Variants in STXBP4 observed in about 807,000 individuals in gnomAD.
STXBP4 encodes the protein syntaxin binding protein 4.
In STXBP4, 55 loss-of-function variants were observed where a neutral mutation model predicts 76.1. The observed-to-expected ratio is 0.72, with a 90% CI of 0.58 to 0.91. The LOEUF (loss-of-function observed/expected upper bound fraction) is 0.91. Ranked by LOEUF, STXBP4 falls within the 40% of genes least tolerant of loss-of-function variation. The pLI is 0.00. For synonymous variants in STXBP4, 201 were observed against 220.2 expected (o/e 0.91, Z 0.77); for missense variants, 618 against 636.9 (o/e 0.97, Z 0.32).
At chr17:54,986,355 G>A (rs896498005) in intron 3 of STXBP4, 89 bp downstream of exon 3, 24 of 942,998 alleles carry the variant, frequency 2.5e-5, no homozygotes, top group Non-Finnish European at 3.8e-5. Context: ...TTTACATCTA[G>A]CTCTCTAATG....
intron 8 of STXBP4, among the ~76,000 whole-genome samples, chr17:55,012,558 G>T (rs1466379455): frequency 6.6e-6 from 1 of 152,084 alleles, no homozygotes. Flanking sequence ...TGTTCCCTCG[G>T]AAGTTAGGAA....
chr17:55,145,903 A>G (rs1229694079), intron 17 of STXBP4, among the ~76,000 whole-genome samples: 2 of 152,190 alleles, frequency 1.3e-5, no homozygotes, highest in African/African-American at 4.8e-5. Context: ...AGAGAGTTGC[A>G]ACATTCTTAA....
rs560812789 is a variant in STXBP4 at position 55,143,260 on chromosome 17, G to A, written c.1547+1893G>A. ...TTGCCCTTAGCCATGCTTTCTCCTA[G>A]AAGGTTCCCCAAAGAAATGCATGAT... On this transcript the variant is annotated intron_variant, in intron 17 of 17. Coordinates refer to ENST00000376352, the MANE Select transcript of STXBP4 (RefSeq NM_178509.6). Among the ~76,000 whole-genome samples the A allele has an allele frequency of 9.5e-4, 145 of 152,278 alleles. 1 individual carries two copies. Among genetic ancestry groups the A allele is most frequent in the Non-Finnish European group, 1.6e-3 (112 of 68,022 alleles).
chr17:54,974,140 G>A (rs1014950946), intron 1 of STXBP4, among the ~76,000 whole-genome samples: 5 of 152,132 alleles, frequency 3.3e-5, no homozygotes, highest in African/African-American at 9.7e-5. Flanking sequence ...TTTTCTAGTG[G>A]TTTTCCTGAT....
chr17:55,116,460 CT>C, intron 16 of STXBP4, among the ~76,000 whole-genome samples: 1 of 151,912 alleles, frequency 6.6e-6, no homozygotes, highest in Middle Eastern at 3.4e-3. Context: ...AACTCTACTA[CT>C]GCCCAATGAT....
chr17:55,199,050 G>GA, the STXBP4 span, among the ~76,000 whole-genome samples: 1 of 151,980 alleles, frequency 6.6e-6, no homozygotes, highest in East Asian at 1.9e-4. Context: ...AATCTTTCAA[G>GA]AAAAAAAAGA....
chr17:55,084,354 T>G (rs1352778793), intron 16 of STXBP4, among the ~76,000 whole-genome samples: 4 of 152,226 alleles, frequency 2.6e-5, no homozygotes, highest in Non-Finnish European at 5.9e-5. Context: ...TAAATTTGTT[T>G]GAATTCATTG....
chr17:55,154,489 G>C (rs1197043094), intron 17 of STXBP4, among the ~76,000 whole-genome samples: 1 of 152,142 alleles, frequency 6.6e-6, no homozygotes, highest in South Asian at 2.1e-4. Flanking sequence ...TGATAATTCA[G>C]TGTATAGGTA....
chr17:55,135,255 A>T (rs2080016315), intron 16 of STXBP4, among the ~76,000 whole-genome samples: 1 of 152,174 alleles, frequency 6.6e-6, no homozygotes, highest in Admixed American at 6.6e-5. Flanking sequence ...CAATTGCCGG[A>T]TAAGTGACTT....
chr17:54,976,935 C>G (rs1355819492), intron 1 of STXBP4, among the ~76,000 whole-genome samples: 1 of 152,074 alleles, frequency 6.6e-6, no homozygotes, highest in African/African-American at 2.4e-5. Flanking sequence ...TCTTCCTTAC[C>G]CCTCCCTAAT....
chr17:55,020,196 A>G (rs1049281678), intron 8 of STXBP4, among the ~76,000 whole-genome samples: 3 of 152,052 alleles, frequency 2.0e-5, no homozygotes, highest in African/African-American at 7.2e-5. Flanking sequence ...CCTCTCCTTC[A>G]TATTTTGCAT....
the STXBP4 span, among the ~76,000 whole-genome samples, chr17:55,186,975 G>A: frequency 6.6e-6 from 1 of 152,074 alleles, no homozygotes; most frequent in African/African-American, 2.4e-5. Context: ...AAATCAAAAG[G>A]GACAAAGAAA....
chr17:55,166,004 T>C lies in STXBP4; in HGVS notation c.*6093T>C, dbSNP rs1336058313. 3 of 152,224 alleles carry C rather than the reference T, an allele frequency of 2.0e-5. No individual in the cohort carries two copies. The highest frequency in any genetic ancestry group is 7.2e-5 in the African/African-American group (3 of 41,454). 9.4% of individuals were successfully genotyped at this position (152,224 alleles called of 1,614,324 possible). ...TTGTTATAGCAGCTCCTGAATGGAC[T>C]AAGACAGCCCACAGAGTTTAGCAGT... On this transcript the variant is annotated 3_prime_UTR_variant, in exon 18 of 18. Coordinates refer to ENST00000376352, the MANE Select transcript of STXBP4 (RefSeq NM_178509.6).
intron 16 of STXBP4, among the ~76,000 whole-genome samples, chr17:55,096,626 T>A (rs2079489972): frequency 6.6e-6 from 1 of 151,776 alleles, no homozygotes; most frequent in African/African-American, 2.4e-5. Context: ...TTTTTTTTTT[T>A]AAGAATAAGC....
the STXBP4 span, among the ~76,000 whole-genome samples, chr17:55,185,296 T>TC: frequency 1.1e-4 from 10 of 87,940 alleles, no homozygotes; most frequent in African/African-American, 4.8e-4. Context: ...TCCTTCTCCT[T>TC]CTCCTTCTCC....
chr17:54,993,597 T>G (rs1000786821), intron 4 of STXBP4, among the ~76,000 whole-genome samples: 2 of 152,244 alleles, frequency 1.3e-5, no homozygotes, highest in African/African-American at 4.8e-5. Flanking sequence ...TAACTTTATT[T>G]TACAACAATG....
At chr17:55,054,442 C>T (rs2078899554) in intron 12 of STXBP4, among the ~76,000 whole-genome samples, 1 of 152,028 alleles carries the variant, frequency 6.6e-6, no homozygotes, top group Non-Finnish European at 1.5e-5. Flanking sequence ...TGAGCTGAGA[C>T]TACACTGCAC....
chr17:55,076,722 T>G (rs1247341784), intron 13 of STXBP4, among the ~76,000 whole-genome samples: 1 of 152,182 alleles, frequency 6.6e-6, no homozygotes, highest in Non-Finnish European at 1.5e-5. Flanking sequence ...TAAGCTATTA[T>G]CCTGAGCGAT....
chr17:55,135,134 G>A (rs2080014451), intron 16 of STXBP4, among the ~76,000 whole-genome samples: 1 of 152,120 alleles, frequency 6.6e-6, no homozygotes, highest in Non-Finnish European at 1.5e-5. Context: ...AACTGGTGTA[G>A]TATATGTTGG....
Sources: allele counts gnomAD v4.1 joint callset (sites outside exome capture counted in the v4.1 genomes callset), GRCh38; gene constraint gnomAD v4.1.1; transcripts MANE v1.5; gene names NCBI Gene and HGNC (gene_info 2026-07-23, HGNC 2026-07-21).